The following PPM1A variants were observed in gnomAD, a reference collection of about 807,000 sequenced individuals.
The protein encoded by PPM1A is protein phosphatase, Mg2+/Mn2+ dependent 1A.
PPM1A carries 7 observed loss-of-function variants against 35.0 expected under a neutral mutation model. That is an observed-to-expected ratio of 0.20 (90% CI 0.11 to 0.38). PPM1A has a LOEUF of 0.38. Among genes scored for constraint, PPM1A ranks in the 10% least tolerant of loss-of-function variants. The probability of loss-of-function intolerance (pLI) is 1.00; values close to 1 mark genes in which losing one functional copy is unlikely to be tolerated. For synonymous variants in PPM1A, 153 were observed against 167.3 expected (o/e 0.91, Z 0.66); for missense variants, 239 against 467.8 (o/e 0.51, Z 4.51).
intron 1 of PPM1A, among the ~76,000 whole-genome samples, chr14:60,255,691 C>T (rs925078373): frequency 7.1e-4 from 108 of 152,208 alleles, no homozygotes; most frequent in Non-Finnish European, 9.4e-4. Context: ...CAAGCTTTAT[C>T]GTAGCAGACG....
chr14:60,285,979 T>C (rs1886964145), intron 3 of PPM1A: 3 of 1,154,290 alleles, frequency 2.6e-6, no homozygotes, highest in Admixed American at 4.6e-5. Context: ...AGGATACTTT[T>C]GTTTTAAAAG....
In PPM1A at chr14:60,283,844, G is replaced by C. The variant is rs1357352310; in HGVS notation, c.834+307G>C. On this transcript the variant is annotated intron_variant, in intron 2 of 5. Transcript: ENST00000395076. This position sits in a 1 kb window ranked among gnomAD's most constrained non-coding sequence, Gnocchi z 6.3. The stretch of plus-strand genomic sequence containing the variant: ...TGTTTTGAAAGAAAGAGGGTGGGGA[G>C]GGTTAGGCCTCAGTGTCTATAAATG... Among the ~76,000 whole-genome samples, 2 of 152,134 alleles carry C rather than the reference G, an allele frequency of 1.3e-5. No homozygotes were observed. The highest frequency in any genetic ancestry group is 2.4e-5 in the African/African-American group (1 of 41,428).
chr14:60,260,971 ATG>A (rs1452108537), intron 1 of PPM1A, among the ~76,000 whole-genome samples: 1 of 152,176 alleles, frequency 6.6e-6, no homozygotes, highest in African/African-American at 2.4e-5. Context: ...ACTCAAAAGA[ATG>A]TGTACCATTA....
chr14:60,258,344 G>T (rs1049744060), intron 1 of PPM1A, among the ~76,000 whole-genome samples: 1 of 152,116 alleles, frequency 6.6e-6, no homozygotes, highest in African/African-American at 2.4e-5. Context: ...GGCTTATTGT[G>T]TAGAGAAAAC....
chr14:60,260,455 A>G (rs141589790), intron 1 of PPM1A, among the ~76,000 whole-genome samples: 3 of 152,102 alleles, frequency 2.0e-5, no homozygotes, highest in Non-Finnish European at 2.9e-5. Context: ...TATAATCCAT[A>G]GTCACGTTTT....
In PPM1A at chr14:60,283,730, G is replaced by A. The variant is rs914834336; in HGVS notation, c.834+193G>A. 6.6e-6 allele frequency among the ~76,000 whole-genome samples: 1 copy of A among 152,160 alleles called. No individual in the cohort carries two copies. Among genetic ancestry groups the A allele is most frequent in the African/African-American group, 2.4e-5 (1 of 41,416 alleles). ...AATTACCCAATTACCATCTCTGCAA[G>A]AGTTATAAGCTGAATGTTTAGTCTT... On this transcript the variant is annotated intron_variant, in intron 2 of 5. Coordinates refer to ENST00000395076, the MANE Select transcript of PPM1A (RefSeq NM_021003.5). The surrounding 1 kb of genome is among the most constrained non-coding windows in gnomAD (Gnocchi z 6.3).
At chr14:60,286,602 C>T in intron 3 of PPM1A, 1 of 985,158 alleles carries the variant, frequency 1.0e-6, no homozygotes, top group South Asian at 4.7e-5. Context: ...CGTTAAAGAC[C>T]TCTAATCGCA....
intron 1 of PPM1A, among the ~76,000 whole-genome samples, chr14:60,275,952 T>G (rs1885709066): frequency 1.3e-5 from 2 of 152,042 alleles, no homozygotes; most frequent in Non-Finnish European, 2.9e-5. Context: ...AAACTAGAAT[T>G]TATTACTATT....
At chr14:60,251,572 A>T (rs758762575) in intron 1 of PPM1A, among the ~76,000 whole-genome samples, 7 of 152,162 alleles carry the variant, frequency 4.6e-5, no homozygotes, top group Non-Finnish European at 8.8e-5. Context: ...AGTTGGGCAG[A>T]TTATATTATC....
Position 60,283,282 on chromosome 14 carries a change from A to G in PPM1A, c.579A>G (p.Val193=), listed in dbSNP as rs752773220. 1.9e-6 allele frequency: 3 copies of G among 1,614,198 alleles called. No individual in the cohort carries two copies. Among genetic ancestry groups the G allele is most frequent in the East Asian group, 2.2e-5 (1 of 44,886 alleles). ...AGCGTGTGAATGGCTCTCTGGCTGTATCGAGGGCCCTTGGGGATTTTGATT... is the reference window on the plus strand; with the variant it reads ...AGCGTGTGAATGGCTCTCTGGCTGTGTCGAGGGCCCTTGGGGATTTTGATT... ...MIQRVNGSLA[V]SRALGDFDYK... Residue 193 remains valine, a synonymous_variant, in exon 2 of 6, where the codon GTA becomes GTG. Transcript: ENST00000395076. The surrounding 1 kb of genome is among the most constrained non-coding windows in gnomAD (Gnocchi z 6.3).
chr14:60,295,755 C>CA lies in PPM1A; in HGVS notation c.*3279dup, dbSNP rs1888011244. ...TTAGTATTATAACTGGATCACTCAT[C>CA]AAAAAATATATATATATATCTATTG... is the stretch of plus-strand genomic sequence containing the variant. On this transcript the variant is annotated 3_prime_UTR_variant, in exon 6 of 6. Coordinates refer to ENST00000395076, the MANE Select transcript of PPM1A (RefSeq NM_021003.5). 1 of 151,490 alleles carries CA rather than the reference C, an allele frequency of 6.6e-6. No individual in the cohort carries two copies. The highest frequency in any genetic ancestry group is 1.5e-5 in the Non-Finnish European group (1 of 67,612). 9.4% of individuals were successfully genotyped at this position (151,490 alleles called of 1,614,324 possible).
At chr14:60,246,884 T>C (rs1881815610), upstream of PPM1A, among the ~76,000 whole-genome samples, 1 of 152,224 alleles carries the variant, frequency 6.6e-6, no homozygotes, top group Non-Finnish European at 1.5e-5. Flanking sequence ...TGTTCATATT[T>C]TCTATTTCTC....
Position 60,297,482 on chromosome 14 carries a change from T to C in PPM1A, c.*5000T>C, listed in dbSNP as rs1414381085. The C allele has an allele frequency of 6.6e-6, 1 of 151,768 alleles. No individual in the cohort carries two copies. The highest frequency in any genetic ancestry group is 1.5e-5 in the Non-Finnish European group (1 of 67,708). The allele number at this position is 151,768 out of a possible 1,614,324, so 9.4% of individuals were successfully genotyped here. A position where few individuals can be genotyped will look rare whatever the true frequency, so the allele number is the denominator to read the frequency against. The stretch of plus-strand genomic sequence containing the variant: ...AACTGAGAAGAATTAATGCAATGTT[T>C]CTTCACTAGAAAACCCAACCCTTCA... On this transcript the variant is annotated 3_prime_UTR_variant, in exon 6 of 6. Transcript: ENST00000395076.
At chr14:60,259,151 A>C (rs1363885241) in intron 1 of PPM1A, among the ~76,000 whole-genome samples, 1 of 152,146 alleles carries the variant, frequency 6.6e-6, no homozygotes, top group Non-Finnish European at 1.5e-5. Context: ...AAAAAATTGC[A>C]TGTCACAATT....
chr14:60,265,068 C>T (rs1049662440), intron 1 of PPM1A, among the ~76,000 whole-genome samples: 1 of 152,036 alleles, frequency 6.6e-6, no homozygotes, highest in Non-Finnish European at 1.5e-5. Flanking sequence ...TTCTTTTTCA[C>T]TCTTCTTATC....
rs1885410047 is a variant in PPM1A at position 60,273,568 on chromosome 14, T to A, written c.-20-9116T>A. ...CAGTGGAAAGCCATTGAGAAACTTT[T>A]AGTACAGAAGTGATATGGTGAAATT... On this transcript the variant is annotated intron_variant, in intron 1 of 5. Coordinates refer to ENST00000395076, the MANE Select transcript of PPM1A (RefSeq NM_021003.5). This position sits in a 1 kb window ranked among gnomAD's most constrained non-coding sequence, Gnocchi z 4.3. Among the ~76,000 whole-genome samples the A allele has an allele frequency of 6.6e-6, 1 of 152,174 alleles. No homozygotes were observed. The highest frequency in any genetic ancestry group is 1.5e-5 in the Non-Finnish European group (1 of 68,028).
At chr14:60,247,688 T>C (rs143686413), upstream of PPM1A, among the ~76,000 whole-genome samples, 1 of 149,372 alleles carries the variant, frequency 6.7e-6, no homozygotes, top group African/African-American at 2.5e-5. Flanking sequence ...CAAAGTCATG[T>C]TGAGAAAATT....
chr14:60,257,415 GAA>G (rs921044985), intron 1 of PPM1A, among the ~76,000 whole-genome samples: 7 of 152,134 alleles, frequency 4.6e-5, no homozygotes, highest in African/African-American at 1.7e-4. Context: ...ACACATGACA[GAA>G]AATTGAATGT....
rs79366276 is a variant in PPM1A, at chr14:60,250,596, C to T, written c.-21+919C>T. On this transcript the variant is annotated intron_variant, in intron 1 of 5. Coordinates refer to ENST00000395076, the MANE Select transcript of PPM1A (RefSeq NM_021003.5). Reference sequence around the variant, plus strand: ...CCCACCTCCCCGCAAGTTTCCTGCTCATTGGAATAATGAGCTGAATGTGTT... The same window carrying T: ...CCCACCTCCCCGCAAGTTTCCTGCTTATTGGAATAATGAGCTGAATGTGTT... 6.2e-3 allele frequency: 1,152 copies of T among 186,644 alleles called. 16 individuals carry two copies. The highest frequency in any genetic ancestry group is 0.027 in the African/African-American group (1,118 of 42,092). 11.6% of individuals were successfully genotyped at this position (186,644 alleles called of 1,614,324 possible).
Sources: allele counts gnomAD v4.1 joint callset (sites outside exome capture counted in the v4.1 genomes callset), GRCh38; gene constraint gnomAD v4.1.1; non-coding constraint Gnocchi (gnomAD v3.1); transcripts MANE v1.5; gene names NCBI Gene and HGNC (gene_info 2026-07-23, HGNC 2026-07-21).